The following CD2AP variants were observed in gnomAD, a reference collection of about 807,000 sequenced individuals.
The protein encoded by CD2AP is CD2-associated protein.
CD2AP carries 46 observed loss-of-function variants against 85.1 expected under a neutral mutation model. That is an observed-to-expected ratio of 0.54 (90% CI 0.43 to 0.69). The LOEUF (loss-of-function observed/expected upper bound fraction) is 0.69, where lower values mean the gene tolerates loss of function less well. Ranked by LOEUF, CD2AP falls within the 30% of genes least tolerant of loss-of-function variation. CD2AP has a pLI of 0.00. For missense variants in CD2AP, 769 were observed against 729.5 expected (o/e 1.05, Z -0.62); for synonymous variants, 255 against 252.9 (o/e 1.01, Z -0.08).
chr6:47,549,096 A>G (rs1318893512), intron 4 of CD2AP, among the ~76,000 whole-genome samples: 1 of 152,286 alleles, frequency 6.6e-6, no homozygotes, highest in East Asian at 1.9e-4. Context: ...AGCCAACATA[A>G]TACTGAATGG....
chr6:47,479,180 T>G (rs1364913948), intron 1 of CD2AP, among the ~76,000 whole-genome samples: 1 of 152,228 alleles, frequency 6.6e-6, no homozygotes, highest in Non-Finnish European at 1.5e-5. Context: ...GAACGTGTTC[T>G]GTAAGAGTAA....
intron 17 of CD2AP, among the ~76,000 whole-genome samples, chr6:47,622,531 C>T (rs1769782482): frequency 6.6e-6 from 1 of 152,122 alleles, no homozygotes; most frequent in African/African-American, 2.4e-5. Context: ...CTTCCTCTAC[C>T]CCCCTTGTAT....
chr6:47,584,289 A>G (rs1333373598), intron 11 of CD2AP, among the ~76,000 whole-genome samples: 10 of 152,174 alleles, frequency 6.6e-5, no homozygotes, highest in African/African-American at 1.7e-4. Context: ...AGTCATTGCC[A>G]TACCCAAGGT....
At position 47,589,565 on chromosome 6, in the gene CD2AP, C is replaced by CAT. The variant is rs1554182282; in HGVS notation, c.1109-6281_1109-6280dup. Reference sequence around the variant, plus strand: ...ACACATATATATACACACACACACACATATATATATATATATTTGTCAGAG... The same window carrying CAT: ...ACACATATATATACACACACACACACATATATATATATATATATTTGTCAGAG... On this transcript the variant is annotated intron_variant, in intron 11 of 17. Coordinates refer to ENST00000359314, the MANE Select transcript of CD2AP (RefSeq NM_012120.3). 9.1e-3 allele frequency among the ~76,000 whole-genome samples: 1,105 copies of CAT among 120,986 alleles called. 25 individuals carry two copies. The highest frequency in any genetic ancestry group is 0.029 in the African/African-American group (980 of 33,660). 79.4% of individuals were successfully genotyped at this position (120,986 alleles called of 152,430 possible).
chr6:47,554,054 AG>A (rs1767605488), intron 4 of CD2AP, among the ~76,000 whole-genome samples: 1 of 152,020 alleles, frequency 6.6e-6, no homozygotes, highest in South Asian at 2.1e-4. Context: ...CTGGGACTAC[AG>A]GCGCGAACCA....
rs1165396954 is a variant in CD2AP at position 47,609,181 on chromosome 6, T to C, written c.1691T>C (p.Leu564Pro). ...SASKANTTAF[L>P]TPLEIKAKVE... The stretch of plus-strand genomic sequence containing the variant: ...TCTAAAGCAAATACAACTGCTTTCC[T>C]GACTCCATTAGAAATCAAAGCTAAA... The change falls in exon 16 of 18, where the codon CTG becomes CCG. Residue 564 changes from leucine to proline, a missense_variant. Physicochemically the swap from Leu to Pro is moderately conservative, Grantham distance 98. Transcript: ENST00000359314. 1 of 1,613,406 alleles carries C rather than the reference T, an allele frequency of 6.2e-7. No homozygotes were observed. Among genetic ancestry groups the C allele is most frequent in the African/African-American group, 1.3e-5 (1 of 74,876 alleles).
rs189197681 is a variant in CD2AP, at chr6:47,518,791, C to A, written c.166-14811C>A. Among the ~76,000 whole-genome samples the A allele has an allele frequency of 9.3e-4, 142 of 152,318 alleles. 2 individuals carry two copies. The East Asian group carries it at 0.023, about 25-fold the overall frequency. On this transcript the variant is annotated intron_variant, in intron 2 of 17. Coordinates refer to ENST00000359314, the MANE Select transcript of CD2AP (RefSeq NM_012120.3). ...AGTTGTACATCTTTTTAAAAATCAA[C>A]CACATGTCCCTTTTTGCAATAGTTG...
At chr6:47,534,871 T>A (rs1295998215) in intron 3 of CD2AP, among the ~76,000 whole-genome samples, 1 of 151,486 alleles carries the variant, frequency 6.6e-6, no homozygotes, top group Non-Finnish European at 1.5e-5. Context: ...CACAGCTCAC[T>A]GCGGCCTTGA....
chr6:47,605,605 C>A (rs1229268590), intron 13 of CD2AP, among the ~76,000 whole-genome samples: 1 of 151,752 alleles, frequency 6.6e-6, no homozygotes, highest in Non-Finnish European at 1.5e-5. Flanking sequence ...CAGTTTGAGT[C>A]CCACCTAATA....
intron 2 of CD2AP, among the ~76,000 whole-genome samples, chr6:47,529,128 C>T (rs889138223): frequency 2.7e-5 from 4 of 146,190 alleles, no homozygotes; most frequent in African/African-American, 1.0e-4. Flanking sequence ...CCCTTTGTCA[C>T]GATTATAACT....
At chr6:47,555,522 C>G (rs970959234) in intron 5 of CD2AP, among the ~76,000 whole-genome samples, 1 of 152,124 alleles carries the variant, frequency 6.6e-6, no homozygotes, top group African/African-American at 2.4e-5. Flanking sequence ...AGGAGTAGAT[C>G]ATAACCTTAA....
intron 11 of CD2AP, among the ~76,000 whole-genome samples, chr6:47,589,581 T>TATATATATATATATATATATATATA (rs1562046500): frequency 1.5e-4 from 22 of 148,514 alleles, no homozygotes; most frequent in South Asian, 4.3e-4. Flanking sequence ...TATATATATA[T>TATATATATATATATATATATATATA]TTGTCAGAGT....
At chr6:47,551,201 A>T (rs1018279919) in intron 4 of CD2AP, among the ~76,000 whole-genome samples, 9 of 152,190 alleles carry the variant, frequency 5.9e-5, no homozygotes, top group Non-Finnish European at 1.2e-4. Context: ...AAAGAAAAAA[A>T]AATTTAAAAT....
At position 47,585,235 on chromosome 6, in the gene CD2AP, G is replaced by A. The variant is rs1213213349; in HGVS notation, c.1108+3170G>A. 8.6e-5 allele frequency among the ~76,000 whole-genome samples: 13 copies of A among 151,850 alleles called. No individual in the cohort carries two copies. The East Asian group carries it at 2.5e-3, about 29-fold the overall frequency. On this transcript the variant is annotated intron_variant, in intron 11 of 17. Coordinates refer to ENST00000359314, the MANE Select transcript of CD2AP (RefSeq NM_012120.3). ...GGAGAATGGCGTGAACTCGGGAGGCGGAGCTTGCAGTGAGCCGATATTGCG... is the reference window on the plus strand; with the variant it reads ...GGAGAATGGCGTGAACTCGGGAGGCAGAGCTTGCAGTGAGCCGATATTGCG...
rs1491096461 is a variant in CD2AP at position 47,589,533 on chromosome 6, CAT to C, written c.1109-6325_1109-6324del. ...ATACGTATGTACACACATATATACA[CAT>C]ATGTACACATATATATACACACACA... On this transcript the variant is annotated intron_variant, in intron 11 of 17. Coordinates refer to ENST00000359314, the MANE Select transcript of CD2AP (RefSeq NM_012120.3). 5.2e-4 allele frequency among the ~76,000 whole-genome samples: 31 copies of C among 59,808 alleles called. 1 individual carries two copies. Among genetic ancestry groups the C allele is most frequent in the African/African-American group, 1.4e-3 (28 of 20,194 alleles). 39.2% of individuals were successfully genotyped at this position (59,808 alleles called of 152,430 possible).
chr6:47,543,582 A>T (rs116279947), intron 3 of CD2AP, among the ~76,000 whole-genome samples: 18 of 152,096 alleles, frequency 1.2e-4, no homozygotes, highest in Non-Finnish European at 2.2e-4. Context: ...GTAGAGGACC[A>T]CTGTCTCCTT....
intron 2 of CD2AP, among the ~76,000 whole-genome samples, chr6:47,528,940 A>G (rs1268278356): frequency 6.6e-6 from 1 of 152,042 alleles, no homozygotes; most frequent in Non-Finnish European, 1.5e-5. Context: ...TTCTCCCATT[A>G]TGTGGCTTAT....
chr6:47,585,222 G>C (rs1347285491), intron 11 of CD2AP, among the ~76,000 whole-genome samples: 1 of 151,436 alleles, frequency 6.6e-6, no homozygotes, highest in African/African-American at 2.4e-5. Flanking sequence ...AGAATGGCGT[G>C]AACTCGGGAG....
chr6:47,594,640 G>A (rs1447817118), intron 11 of CD2AP, among the ~76,000 whole-genome samples: 2 of 151,836 alleles, frequency 1.3e-5, no homozygotes, highest in African/African-American at 2.4e-5. Context: ...ATTTCAATTG[G>A]AGAGTTTGGT....
Sources: allele counts gnomAD v4.1 joint callset (sites outside exome capture counted in the v4.1 genomes callset), GRCh38; gene constraint gnomAD v4.1.1; transcripts MANE v1.5; gene names NCBI Gene and HGNC (gene_info 2026-07-23, HGNC 2026-07-21).